Variants in RCAN2 observed in about 807,000 individuals in gnomAD.
The protein encoded by RCAN2 is regulator of calcineurin 2.
A neutral mutation model predicts 23.6 loss-of-function variants in RCAN2; 9 were observed. That is an observed-to-expected ratio of 0.38 (90% CI 0.23 to 0.67). RCAN2 has a LOEUF of 0.67. RCAN2 is among the 30% of genes least tolerant of loss of function. RCAN2 has a pLI of 0.51. For synonymous variants in RCAN2, 109 were observed against 115.7 expected, an observed-to-expected ratio of 0.94 and a Z score of 0.37; for missense variants, 273 against 302.3, an observed-to-expected ratio of 0.90 and a Z score of 0.72.
intron 1 of RCAN2, among the ~76,000 whole-genome samples, chr6:46,484,774 T>G (rs1320644653): frequency 6.6e-6 from 1 of 152,212 alleles, no homozygotes; most frequent in African/African-American, 2.4e-5. Flanking sequence ...CACTCATGTA[T>G]GCTGAATCTA....
chr6:46,350,014 T>G (rs1764597615), intron 2 of RCAN2, among the ~76,000 whole-genome samples: 1 of 152,204 alleles, frequency 6.6e-6, no homozygotes, highest in Non-Finnish European at 1.5e-5. Context: ...CTGGCCCACC[T>G]CTAACAACCT....
intron 2 of RCAN2, among the ~76,000 whole-genome samples, chr6:46,359,462 T>C (rs1764936598): frequency 6.6e-6 from 1 of 152,212 alleles, no homozygotes; most frequent in Non-Finnish European, 1.5e-5. Flanking sequence ...GTCAGTCAAA[T>C]TGTAGGAAAG....
intron 2 of RCAN2, among the ~76,000 whole-genome samples, chr6:46,295,166 A>T (rs1182684918): frequency 2.0e-5 from 3 of 152,130 alleles, no homozygotes. Flanking sequence ...GGTAATGAAG[A>T]CAGGAAATAT....
At chr6:46,396,788 T>C (rs1159829615) in intron 2 of RCAN2, among the ~76,000 whole-genome samples, 1 of 152,226 alleles carries the variant, frequency 6.6e-6, no homozygotes, top group East Asian at 1.9e-4. Flanking sequence ...TTCTTATCTC[T>C]ATTACAACCA....
chr6:46,425,497 A>G (rs1187480271), intron 2 of RCAN2, among the ~76,000 whole-genome samples: 1 of 152,172 alleles, frequency 6.6e-6, no homozygotes, highest in Non-Finnish European at 1.5e-5. Flanking sequence ...GAATTATCAG[A>G]CTATACTTTG....
intron 2 of RCAN2, among the ~76,000 whole-genome samples, chr6:46,377,346 G>T (rs1765504223): frequency 6.6e-6 from 1 of 152,150 alleles, no homozygotes; most frequent in Admixed American, 6.5e-5. Context: ...TTGGAAAACG[G>T]GTGTGGGCAG....
chr6:46,330,082 C>A (rs1763917221), intron 2 of RCAN2, among the ~76,000 whole-genome samples: 1 of 152,154 alleles, frequency 6.6e-6, no homozygotes, highest in South Asian at 2.1e-4. Flanking sequence ...TGGAGAATTT[C>A]AAATATATTC....
chr6:46,247,419 T>G (rs992558267), intron 3 of RCAN2, among the ~76,000 whole-genome samples: 5 of 152,220 alleles, frequency 3.3e-5, no homozygotes, highest in African/African-American at 1.2e-4. Context: ...CAACAACCAC[T>G]TCTATCCAGA....
intron 2 of RCAN2, among the ~76,000 whole-genome samples, chr6:46,258,346 A>T (rs1766991325): frequency 6.6e-6 from 1 of 152,188 alleles, no homozygotes; most frequent in Non-Finnish European, 1.5e-5. Flanking sequence ...ACCTATCAGG[A>T]TTTCTTAGGC....
At chr6:46,321,030 CCTCT>C (rs1763598499) in intron 2 of RCAN2, among the ~76,000 whole-genome samples, 1 of 152,096 alleles carries the variant, frequency 6.6e-6, no homozygotes, top group East Asian at 1.9e-4. Flanking sequence ...GCTAAGATGG[CCTCT>C]CTTTCTACCT....
chr6:46,246,939 T>G lies in RCAN2; in HGVS notation c.400-20A>C. On this transcript the variant is annotated intron_variant, in intron 3 of 4. Coordinates refer to ENST00000371374, the MANE Select transcript of RCAN2 (RefSeq NM_001251974.2). ...CTGAACCTTTCAAATAGAGTAGAGA[T>G]GAAGAAACTTATTCATCATGGCTTC... 1.3e-6 allele frequency: 2 copies of G among 1,487,838 alleles called. No homozygotes were observed. The highest frequency in any genetic ancestry group is 1.8e-6 in the Non-Finnish European group (2 of 1,116,278). The allele number at this position is 1,487,838 out of a possible 1,614,324, so 92.2% of individuals were successfully genotyped here.
chr6:46,269,114 T>G (rs902172891), intron 2 of RCAN2, among the ~76,000 whole-genome samples: 1 of 152,236 alleles, frequency 6.6e-6, no homozygotes, highest in Non-Finnish European at 1.5e-5. Flanking sequence ...TTCACACTCA[T>G]ATTTAGATAA....
At chr6:46,303,648 T>C (rs549012599) in intron 2 of RCAN2, among the ~76,000 whole-genome samples, 2 of 152,210 alleles carry the variant, frequency 1.3e-5, no homozygotes, top group African/African-American at 4.8e-5. Context: ...TTCCAGTCAA[T>C]AACCACCTCC....
chr6:46,377,452 C>T (rs1765508074), intron 2 of RCAN2, among the ~76,000 whole-genome samples: 1 of 152,212 alleles, frequency 6.6e-6, no homozygotes, highest in South Asian at 2.1e-4. Context: ...GGTCAGTCAG[C>T]TGTGAAACGT....
intron 1 of RCAN2, among the ~76,000 whole-genome samples, chr6:46,478,545 A>C (rs1768773642): frequency 6.6e-6 from 1 of 152,166 alleles, no homozygotes; most frequent in Non-Finnish European, 1.5e-5. Context: ...TTCACTCATA[A>C]GTCCCATCAC....
At chr6:46,352,483 C>T (rs753758656) in intron 2 of RCAN2, among the ~76,000 whole-genome samples, 1 of 152,140 alleles carries the variant, frequency 6.6e-6, no homozygotes, top group Non-Finnish European at 1.5e-5. Flanking sequence ...AATCAGGAGG[C>T]TTCATCGGCC....
intron 2 of RCAN2, among the ~76,000 whole-genome samples, chr6:46,423,463 G>C (rs549751143): frequency 6.6e-6 from 1 of 152,190 alleles, no homozygotes; most frequent in Non-Finnish European, 1.5e-5. Context: ...CTTCTTGAAG[G>C]TTGATTCTTA....
intron 2 of RCAN2, among the ~76,000 whole-genome samples, chr6:46,262,490 T>C (rs1341550934): frequency 6.6e-6 from 1 of 152,054 alleles, no homozygotes; most frequent in African/African-American, 2.4e-5. Flanking sequence ...ATGCAGTAGC[T>C]CATGCTTGTA....
rs542180126 is a variant in RCAN2, at chr6:46,230,008, C to T, written c.572-6707G>A. 1.0e-3 allele frequency among the ~76,000 whole-genome samples: 152 copies of T among 152,340 alleles called. 2 individuals carry two copies. In the South Asian group the frequency reaches 0.011, roughly 11 times the overall value. ...TTTTCCTTCTAACAGTCAGGACCCTCAGCTGCAGGTCTGTTGGAGTTTGCT... is the reference window on the plus strand; with the variant it reads ...TTTTCCTTCTAACAGTCAGGACCCTTAGCTGCAGGTCTGTTGGAGTTTGCT... On this transcript the variant is annotated intron_variant, in intron 4 of 4. Transcript: ENST00000371374.
Sources: allele counts gnomAD v4.1 joint callset (sites outside exome capture counted in the v4.1 genomes callset), GRCh38; gene constraint gnomAD v4.1.1; transcripts MANE v1.5; gene names NCBI Gene and HGNC (gene_info 2026-07-23, HGNC 2026-07-21).